Variants in CLIC5 observed in about 807,000 individuals in gnomAD.
The protein encoded by CLIC5 is CLIC family member 5.
CLIC5 carries 20 observed loss-of-function variants against 24.7 expected under a neutral mutation model. The observed-to-expected ratio is 0.81, with a 90% CI of 0.57 to 1.18. The LOEUF (loss-of-function observed/expected upper bound fraction) is 1.18, where lower values mean the gene tolerates loss of function less well. CLIC5 is among the 50% of genes most tolerant of loss of function. The pLI is 0.00. For synonymous variants in CLIC5, 159 were observed against 135.6 expected, an observed-to-expected ratio of 1.17 and a Z score of -1.20; for missense variants, 341 against 326.1, an observed-to-expected ratio of 1.05 and a Z score of -0.35.
At chr6:46,039,082 C>A (rs979111147) in intron 1 of CLIC5, among the ~76,000 whole-genome samples, 4 of 152,134 alleles carry the variant, frequency 2.6e-5, no homozygotes, top group Non-Finnish European at 5.9e-5. Context: ...AGAATTATAA[C>A]TCATTCATGC....
chr6:45,975,516 G>A (rs1765356023), intron 1 of CLIC5, among the ~76,000 whole-genome samples: 1 of 152,168 alleles, frequency 6.6e-6, no homozygotes, highest in African/African-American at 2.4e-5. Flanking sequence ...TCAGTCCAGT[G>A]TGCCAGGAAC....
At chr6:45,883,035 A>G (rs1049869599) in intron 6 of CLIC5, among the ~76,000 whole-genome samples, 1 of 152,194 alleles carries the variant, frequency 6.6e-6, no homozygotes, top group African/African-American at 2.4e-5. Context: ...GGAGCCACAG[A>G]GTGGGATGGA....
At chr6:46,127,098 T>G in the CLIC5 span, among the ~76,000 whole-genome samples, 2 of 152,348 alleles carry the variant, frequency 1.3e-5, 1 homozygote, top group South Asian at 4.1e-4. Context: ...AGTTTTTGTG[T>G]ATTGATAAAT....
At chr6:45,944,475 G>A (rs1201675736) in intron 3 of CLIC5, among the ~76,000 whole-genome samples, 10 of 146,862 alleles carry the variant, frequency 6.8e-5, no homozygotes, top group Non-Finnish European at 8.9e-5. Flanking sequence ...CTCTCCACCC[G>A]GTTTTTAGGA....
chr6:45,973,870 C>A (rs1295230260), intron 1 of CLIC5, among the ~76,000 whole-genome samples: 1 of 149,898 alleles, frequency 6.7e-6, no homozygotes, highest in East Asian at 2.0e-4. Flanking sequence ...GCAGAGGTTG[C>A]AGTGAGCCGA....
chr6:46,120,766 C>T, the CLIC5 span, among the ~76,000 whole-genome samples: 3 of 152,066 alleles, frequency 2.0e-5, no homozygotes, highest in South Asian at 2.1e-4. Flanking sequence ...AACCATGGCA[C>T]GAGAACTACA....
chr6:46,042,534 T>A (rs1045236798), intron 1 of CLIC5, among the ~76,000 whole-genome samples: 4 of 152,120 alleles, frequency 2.6e-5, no homozygotes, highest in African/African-American at 9.7e-5. Flanking sequence ...TCCTTCATAC[T>A]CCAGCACGTC....
chr6:46,071,478 T>A (rs147974932), intron 1 of CLIC5, among the ~76,000 whole-genome samples: 9 of 152,012 alleles, frequency 5.9e-5, no homozygotes, highest in Non-Finnish European at 5.9e-5. Flanking sequence ...AACAACCATA[T>A]GAAAAAAAGC....
chr6:46,014,962 A>G (rs1426320491), intron 1 of CLIC5, among the ~76,000 whole-genome samples: 2 of 152,234 alleles, frequency 1.3e-5, no homozygotes, highest in African/African-American at 2.4e-5. Context: ...ACCAAGCAAG[A>G]AAACACTTTT....
At chr6:45,976,460 T>G (rs944826936) in intron 1 of CLIC5, among the ~76,000 whole-genome samples, 42 of 152,124 alleles carry the variant, frequency 2.8e-4, no homozygotes, top group African/African-American at 1.0e-3. Flanking sequence ...CTGGGATGAG[T>G]TGGTCACTCT....
chr6:46,051,475 A>C (rs1481597667), intron 1 of CLIC5, among the ~76,000 whole-genome samples: 1 of 152,192 alleles, frequency 6.6e-6, no homozygotes, highest in Non-Finnish European at 1.5e-5. Context: ...AGTGAGGATA[A>C]AGTCTTGATT....
At chr6:45,987,767 C>T (rs763509927) in intron 1 of CLIC5, among the ~76,000 whole-genome samples, 3 of 152,070 alleles carry the variant, frequency 2.0e-5, no homozygotes, top group Non-Finnish European at 4.4e-5. Flanking sequence ...CTCTCTTCCT[C>T]TTGTTATAAA....
chr6:46,058,578 A>G (rs1768326318), intron 1 of CLIC5, among the ~76,000 whole-genome samples: 1 of 152,252 alleles, frequency 6.6e-6, no homozygotes, highest in South Asian at 2.1e-4. Context: ...TGTCTGGAAT[A>G]TGTGCAAAGT....
chr6:45,908,472 T>A (rs1035327516), intron 5 of CLIC5, among the ~76,000 whole-genome samples: 1 of 152,202 alleles, frequency 6.6e-6, no homozygotes, highest in Non-Finnish European at 1.5e-5. Context: ...GTATGTTGTG[T>A]CTTTGTTTTC....
chr6:45,979,076 G>A (rs534858345), intron 1 of CLIC5, among the ~76,000 whole-genome samples: 1 of 152,222 alleles, frequency 6.6e-6, no homozygotes, highest in South Asian at 2.1e-4. Context: ...GACCAGGTTA[G>A]ACAACACTAA....
intron 1 of CLIC5, among the ~76,000 whole-genome samples, chr6:46,008,340 C>T (rs977966150): frequency 2.6e-5 from 4 of 152,216 alleles, no homozygotes; most frequent in Non-Finnish European, 5.9e-5. Flanking sequence ...TTTTGGCCAC[C>T]TCTGAATCCT....
chr6:45,986,270 T>C (rs560536475), intron 1 of CLIC5, among the ~76,000 whole-genome samples: 1 of 152,318 alleles, frequency 6.6e-6, no homozygotes, highest in Non-Finnish European at 1.5e-5. Flanking sequence ...CACTGGATTC[T>C]TTGGTGTAAC....
At chr6:45,982,860 C>A (rs1162538955) in intron 1 of CLIC5, among the ~76,000 whole-genome samples, 1 of 152,164 alleles carries the variant, frequency 6.6e-6, no homozygotes, top group Non-Finnish European at 1.5e-5. Flanking sequence ...CTGACTGACA[C>A]TTTTATCTCT....
intron 4 of CLIC5, chr6:45,920,486 G>T: frequency 6.3e-6 from 2 of 316,132 alleles, no homozygotes; most frequent in Non-Finnish European, 9.2e-6. Context: ...AAAGTACAGT[G>T]GTGGTTTGAG....
Sources: allele counts gnomAD v4.1 joint callset (sites outside exome capture counted in the v4.1 genomes callset), GRCh38; gene constraint gnomAD v4.1.1; transcripts MANE v1.5; gene names NCBI Gene and HGNC (gene_info 2026-07-23, HGNC 2026-07-21).